GLI3: variants seen among roughly 807,000 people sequenced by gnomAD.
GLI3 encodes the protein GLI family zinc finger 3.
In GLI3, 20 loss-of-function variants were observed where a neutral mutation model predicts 100.8. The ratio of observed to expected loss-of-function variants is 0.20; its 90% CI spans 0.14 to 0.29. GLI3 has a LOEUF of 0.29. GLI3 is among the 10% of genes least tolerant of loss of function. The pLI, the probability that GLI3 is intolerant of heterozygous loss-of-function variation, is 1.00. For synonymous variants in GLI3, 938 were observed against 860.5 expected, an observed-to-expected ratio of 1.09 and a Z score of -1.58; for missense variants, 2,040 against 2,128.5, an observed-to-expected ratio of 0.96 and a Z score of 0.82.
At chr7:42,007,942 T>C (rs1308740344) in intron 10 of GLI3, among the ~76,000 whole-genome samples, 1 of 152,166 alleles carries the variant, frequency 6.6e-6, no homozygotes, top group African/African-American at 2.4e-5. Flanking sequence ...TTGACCTAGA[T>C]GGAGAGGAAA....
Position 42,026,274 on chromosome 7 carries a change from T to C in GLI3, c.1167A>G (p.Thr389=). 6.2e-7 allele frequency: 1 copy of C among 1,613,974 alleles called. No homozygotes were observed. The highest frequency in any genetic ancestry group is 8.5e-7 in the Non-Finnish European group (1 of 1,179,968). ...PLIHPAPTFP[T]QRPIPGIPTV... is the part of the protein sequence containing the mutation. ...TAGGGATCCCTGGAATAGGCCTCTGTGTTGGAAAAGTTGGGGCAGGGTGGA... is the reference window on the plus strand; with the variant it reads ...TAGGGATCCCTGGAATAGGCCTCTGCGTTGGAAAAGTTGGGGCAGGGTGGA... Residue 389 remains threonine, a synonymous_variant, in exon 8 of 15, where the codon ACA becomes ACG. Transcript: ENST00000395925.
intron 3 of GLI3, among the ~76,000 whole-genome samples, chr7:42,130,327 G>A (rs1786243844): frequency 6.6e-6 from 1 of 152,106 alleles, no homozygotes; most frequent in Admixed American, 6.5e-5. Context: ...TGACACCCAA[G>A]GATCACTAGG....
At chr7:42,164,822 T>A (rs2128672952) in intron 2 of GLI3, among the ~76,000 whole-genome samples, 1 of 146,230 alleles carries the variant, frequency 6.8e-6, no homozygotes, top group African/African-American at 2.5e-5. Flanking sequence ...AGAGCGAGAC[T>A]ATGTGTCAAA....
intron 3 of GLI3, among the ~76,000 whole-genome samples, chr7:42,081,093 A>G (rs185734933): frequency 6.6e-6 from 1 of 152,288 alleles, no homozygotes; most frequent in East Asian, 1.9e-4. Context: ...GCTACCTCCT[A>G]TTTATCATAC....
intron 3 of GLI3, among the ~76,000 whole-genome samples, chr7:42,142,634 A>G (rs1786596533): frequency 6.6e-6 from 1 of 152,150 alleles, no homozygotes; most frequent in African/African-American, 2.4e-5. Context: ...GTCAAGATTC[A>G]CTGGCAACAG....
At chr7:42,195,401 A>G (rs1787909701) in intron 2 of GLI3, among the ~76,000 whole-genome samples, 1 of 152,160 alleles carries the variant, frequency 6.6e-6, no homozygotes, top group South Asian at 2.1e-4. Flanking sequence ...CTTGATATAC[A>G]AGGTTCCCTT....
At chr7:42,085,506 C>A (rs1287485931) in intron 3 of GLI3, among the ~76,000 whole-genome samples, 1 of 152,118 alleles carries the variant, frequency 6.6e-6, no homozygotes, top group Non-Finnish European at 1.5e-5. Flanking sequence ...GTTCTATTAT[C>A]AAGACAATCC....
intron 3 of GLI3, among the ~76,000 whole-genome samples, chr7:42,081,331 G>A (rs1226159989): frequency 1.3e-5 from 2 of 152,152 alleles, no homozygotes; most frequent in African/African-American, 4.8e-5. Flanking sequence ...ACAGACCTGC[G>A]AGAGGTTTGA....
chr7:42,113,589 C>A, intron 3 of GLI3: 2 of 1,039,634 alleles, frequency 1.9e-6, no homozygotes, highest in Non-Finnish European at 1.5e-6. Flanking sequence ...AAAGACCAGG[C>A]CCAGAAAGCT....
chr7:42,090,391 T>A (rs985777192), intron 3 of GLI3, among the ~76,000 whole-genome samples: 2 of 152,206 alleles, frequency 1.3e-5, no homozygotes, highest in Non-Finnish European at 2.9e-5. Context: ...TCCATTATAA[T>A]CTTATGGGAC....
At chr7:42,192,644 A>G (rs925675914) in intron 2 of GLI3, among the ~76,000 whole-genome samples, 2 of 152,236 alleles carry the variant, frequency 1.3e-5, no homozygotes, top group African/African-American at 4.8e-5. Flanking sequence ...AATGTGAAAA[A>G]CAAACTCTAA....
intron 3 of GLI3, among the ~76,000 whole-genome samples, chr7:42,087,032 G>A (rs1014413101): frequency 7.9e-5 from 12 of 152,148 alleles, no homozygotes; most frequent in Admixed American, 7.9e-4. Context: ...CAGGAGGTCT[G>A]GGGTGTGAGG....
intron 2 of GLI3, among the ~76,000 whole-genome samples, chr7:42,200,307 A>G (rs901446468): frequency 6.6e-5 from 10 of 152,218 alleles, no homozygotes; most frequent in African/African-American, 2.4e-4. Context: ...CAAAGGGACC[A>G]TATGTCCAGG....
chr7:42,072,335 G>A (rs941642435), intron 4 of GLI3, among the ~76,000 whole-genome samples: 12 of 152,126 alleles, frequency 7.9e-5, no homozygotes, highest in Admixed American at 6.6e-4. Context: ...GTACATAAGG[G>A]CTACATTTCT....
At chr7:41,989,993 A>T (rs987877560) in intron 10 of GLI3, among the ~76,000 whole-genome samples, 1 of 148,798 alleles carries the variant, frequency 6.7e-6, no homozygotes, top group Non-Finnish European at 1.5e-5. Context: ...TCTCCAAAAA[A>T]AAAAAAAAAA....
Position 41,964,670 on chromosome 7 carries a change from A to C in GLI3, c.4403T>G (p.Leu1468Arg). 1 of 1,614,120 alleles carries C rather than the reference A, an allele frequency of 6.2e-7. No homozygotes were observed. Among genetic ancestry groups the C allele is most frequent in the Non-Finnish European group, 8.5e-7 (1 of 1,179,916 alleles). Residue 1468 changes from leucine to arginine, a missense_variant, in exon 15 of 15, where the codon CTG becomes CGG. Around this residue, in one of 5 missense-constraint regions of GLI3, gnomAD observed 1,041 missense variants for 924.0 expected, o/e 1.13. Coordinates refer to ENST00000395925, the MANE Select transcript of GLI3 (RefSeq NM_000168.6). Reference protein sequence around the residue: ...GSFSISDASCLLQGTSAKNSE... With the variant: ...GSFSISDASCRLQGTSAKNSE... ...GTTTTTGGCGCTGGTCCCCTGTAGC[A>C]GGCAGCTGGCGTCTGAAATAGAGAA...
intron 10 of GLI3, among the ~76,000 whole-genome samples, chr7:41,993,721 G>A (rs904811579): frequency 6.6e-6 from 1 of 152,148 alleles, no homozygotes; most frequent in Non-Finnish European, 1.5e-5. Context: ...AACAAGCTTT[G>A]GAGCCAATGT....
chr7:42,239,036 C>T (rs1034750070), upstream of GLI3, among the ~76,000 whole-genome samples: 3 of 152,236 alleles, frequency 2.0e-5, no homozygotes, highest in Non-Finnish European at 4.4e-5. Context: ...CTTGGGACTC[C>T]TTCCTTGTCA....
intron 1 of GLI3, among the ~76,000 whole-genome samples, chr7:42,262,427 T>C (rs2128712148): frequency 6.6e-6 from 1 of 152,182 alleles, no homozygotes; most frequent in East Asian, 1.9e-4. Context: ...AGCCAGCTAA[T>C]TTTTTTAAAT....
Sources: gnomAD v4.1 joint callset for allele counts (sites outside exome capture counted in the v4.1 genomes callset) on GRCh38, gnomAD v4.1.1 for gene constraint, gnomAD v4.1.1 regional missense constraint, MANE v1.5 for transcripts, NCBI Gene and HGNC (gene_info 2026-07-23, HGNC 2026-07-21) for gene names.